The following SLC24A3 variants were observed in gnomAD, a reference collection of about 807,000 sequenced individuals.
The protein encoded by SLC24A3 is solute carrier family 24 member 3.
In SLC24A3, 28 loss-of-function variants were observed where a neutral mutation model predicts 75.8. The observed-to-expected ratio is 0.37, with a 90% CI of 0.27 to 0.51. SLC24A3 has a LOEUF of 0.51. SLC24A3 is among the 20% of genes least tolerant of loss of function. The pLI is 0.94. For synonymous variants in SLC24A3, 372 were observed against 334.1 expected, an observed-to-expected ratio of 1.11 and a Z score of -1.24; for missense variants, 663 against 847.8, an observed-to-expected ratio of 0.78 and a Z score of 2.71.
chr20:19,472,475 T>C (rs1449668262), intron 2 of SLC24A3, among the ~76,000 whole-genome samples: 1 of 152,218 alleles, frequency 6.6e-6, no homozygotes, highest in African/African-American at 2.4e-5. Flanking sequence ...ACAATGCCAG[T>C]GATGAGGACA....
intron 6 of SLC24A3, among the ~76,000 whole-genome samples, chr20:19,593,224 T>C (rs921505533): frequency 6.6e-6 from 1 of 152,214 alleles, no homozygotes; most frequent in African/African-American, 2.4e-5. Flanking sequence ...TTCCCCACAC[T>C]GCCTCCTATC....
At chr20:19,324,309 TA>T (rs1485342321) in intron 2 of SLC24A3, among the ~76,000 whole-genome samples, 1 of 152,242 alleles carries the variant, frequency 6.6e-6, no homozygotes, top group African/African-American at 2.4e-5. Context: ...TCCTTGGTGC[TA>T]AAACTTCACT....
chr20:19,497,255 A>G (rs932414249), intron 2 of SLC24A3, among the ~76,000 whole-genome samples: 1 of 152,194 alleles, frequency 6.6e-6, no homozygotes, highest in Non-Finnish European at 1.5e-5. Context: ...CCGGCACTCA[A>G]ATAAGGCAAG....
rs570479178 is a variant in SLC24A3 at position 19,673,649 on chromosome 20, C to T, written c.762C>T (p.Ile254=). 6.2e-7 allele frequency: 1 copy of T among 1,613,628 alleles called. No individual in the cohort carries two copies. Among genetic ancestry groups the T allele is most frequent in the African/African-American group, 1.3e-5 (1 of 75,048 alleles). ...LVLMYLIYIV[I]MKYNACIHQC... ...TGATGTATCTTATCTACATTGTCAT[C>T]ATGAAGTAAGTAAAATTTTTCATTT... The change falls in exon 9 of 17, where the codon ATC becomes ATT. Residue 254 remains isoleucine (I), a synonymous_variant. Transcript: ENST00000328041.
intron 2 of SLC24A3, among the ~76,000 whole-genome samples, chr20:19,289,574 A>G (rs6081559): frequency 0.3 from 45,727 of 152,110 alleles, 7,622 homozygotes; most frequent in Middle Eastern, 0.54. Flanking sequence ...CACCTTGGGG[A>G]GTGGAGAGCC....
At chr20:19,678,966 CT>C (rs1487400517) in intron 9 of SLC24A3, among the ~76,000 whole-genome samples, 2 of 151,780 alleles carry the variant, frequency 1.3e-5, no homozygotes, top group African/African-American at 4.8e-5. Flanking sequence ...AGAGACGCTC[CT>C]CACTTCCTAG....
chr20:19,521,749 A>G (rs1184282388), intron 3 of SLC24A3, among the ~76,000 whole-genome samples: 1 of 152,306 alleles, frequency 6.6e-6, no homozygotes, highest in Admixed American at 6.5e-5. Context: ...GCACTCCCCC[A>G]GGCCCAGATT....
At chr20:19,600,730 C>T (rs969602267) in intron 6 of SLC24A3, among the ~76,000 whole-genome samples, 3 of 152,232 alleles carry the variant, frequency 2.0e-5, no homozygotes, top group African/African-American at 7.2e-5. Context: ...ATAATCATAG[C>T]TCACTGCAGC....
intron 2 of SLC24A3, among the ~76,000 whole-genome samples, chr20:19,359,991 G>C (rs742820): frequency 0.54 from 81,933 of 151,866 alleles, 23,794 homozygotes; most frequent in African/African-American, 0.76. Flanking sequence ...AGGTCTGTCA[G>C]TCCAGTCTAC....
intron 2 of SLC24A3, among the ~76,000 whole-genome samples, chr20:19,312,619 G>GT (rs1984487011): frequency 6.6e-6 from 1 of 152,210 alleles, no homozygotes; most frequent in African/African-American, 2.4e-5. Context: ...TAATACACCA[G>GT]TGAGATACAC....
At chr20:19,474,825 T>G (rs962046234) in intron 2 of SLC24A3, among the ~76,000 whole-genome samples, 4 of 152,162 alleles carry the variant, frequency 2.6e-5, no homozygotes, top group African/African-American at 9.7e-5. Context: ...TTAGAACATA[T>G]TCCTCTTAAC....
Position 19,681,942 on chromosome 20 carries a change from A to G in SLC24A3, c.852A>G (p.Glu284=). The change falls in exon 10 of 17, where the codon GAA becomes GAG. Residue 284 remains glutamate (E), a synonymous_variant. Coordinates refer to ENST00000328041, the MANE Select transcript of SLC24A3 (RefSeq NM_020689.4). ...NMVNGLANNA[E]IDDSSNCDAT... ...TCAACGGATTGGCCAACAATGCTGA[A>G]ATTGATGACAGCAGCAACTGCGACG... The G allele has an allele frequency of 6.2e-7, 1 of 1,614,216 alleles. No homozygotes were observed.
chr20:19,424,745 C>CAAAAAAAAAAA (rs528342351), intron 2 of SLC24A3, among the ~76,000 whole-genome samples: 1 of 49,160 alleles, frequency 2.0e-5, no homozygotes, highest in Admixed American at 2.7e-4. Context: ...AAAACAACAA[C>CAAAAAAAAAAA]AAAAAAAAAA....
chr20:19,301,717 G>A lies in SLC24A3; in HGVS notation c.271+20630G>A, dbSNP rs148133605. On this transcript the variant is annotated intron_variant, in intron 2 of 16. Transcript: ENST00000328041. The stretch of plus-strand genomic sequence containing the variant: ...CTTCTCTCTCTTCAGTTTTTTAGTC[G>A]CCCCCTTATGTGACATGGTTTGATG... 1.5e-3 allele frequency among the ~76,000 whole-genome samples: 229 copies of A among 151,650 alleles called. 1 individual carries two copies. In the Middle Eastern group the frequency reaches 0.024, roughly 16 times the overall value.
chr20:19,536,804 G>A (rs1343075650), intron 3 of SLC24A3, among the ~76,000 whole-genome samples: 1 of 152,164 alleles, frequency 6.6e-6, no homozygotes, highest in South Asian at 2.1e-4. Context: ...AAATGGTGCT[G>A]GGAAAACTGG....
At chr20:19,218,081 G>A (rs897755680) in intron 1 of SLC24A3, among the ~76,000 whole-genome samples, 7 of 152,108 alleles carry the variant, frequency 4.6e-5, no homozygotes, top group Non-Finnish European at 1.0e-4. Context: ...GAGCTCAGAA[G>A]ATATATAAAT....
chr20:19,685,388 G>A (rs1262835620), intron 12 of SLC24A3, 27 bp downstream of exon 12: 1 of 1,607,468 alleles, frequency 6.2e-7, no homozygotes, highest in South Asian at 1.1e-5. Flanking sequence ...CTGGGCTGGG[G>A]TTGGGAGCTA....
intron 2 of SLC24A3, among the ~76,000 whole-genome samples, chr20:19,372,941 T>G (rs182241810): frequency 3.4e-4 from 52 of 152,222 alleles, no homozygotes; most frequent in African/African-American, 1.3e-3. Flanking sequence ...ATCCACAGTT[T>G]CCTGTGGTGG....
chr20:19,545,036 T>A (rs1670631572), intron 3 of SLC24A3, among the ~76,000 whole-genome samples: 1 of 152,220 alleles, frequency 6.6e-6, no homozygotes, highest in South Asian at 2.1e-4. Context: ...ATAATTTTTT[T>A]AAAGATTTAG....
Sources: allele counts gnomAD v4.1 joint callset (sites outside exome capture counted in the v4.1 genomes callset), GRCh38; gene constraint gnomAD v4.1.1; transcripts MANE v1.5; gene names NCBI Gene and HGNC (gene_info 2026-07-23, HGNC 2026-07-21).